Variants in MAP4K5 observed in about 807,000 individuals in gnomAD.
The protein encoded by MAP4K5 is mitogen-activated protein kinase kinase kinase kinase 5, also known as MAPK/ERK kinase kinase kinase 5.
Under a neutral mutation model 135.6 loss-of-function variants are expected in MAP4K5, and 82 were observed. The ratio of observed to expected loss-of-function variants is 0.60; its 90% CI spans 0.51 to 0.73. The LOEUF (loss-of-function observed/expected upper bound fraction) is 0.73. Ranked by LOEUF, MAP4K5 falls within the 30% of genes least tolerant of loss-of-function variation. The pLI, the probability that MAP4K5 is intolerant of heterozygous loss-of-function variation, is 0.00. For synonymous variants in MAP4K5, 347 were observed against 335.0 expected (o/e 1.04, Z -0.39); for missense variants, 907 against 1,010.9 (o/e 0.90, Z 1.39).
At chr14:50,491,826 C>G (rs2037490500) in intron 3 of MAP4K5, among the ~76,000 whole-genome samples, 1 of 151,952 alleles carries the variant, frequency 6.6e-6, no homozygotes, top group South Asian at 2.1e-4. Flanking sequence ...GCTGGGATTA[C>G]AGGCACATGT....
intron 2 of MAP4K5, among the ~76,000 whole-genome samples, chr14:50,529,200 T>C (rs904018346): frequency 4.6e-5 from 7 of 151,716 alleles, no homozygotes; most frequent in African/African-American, 1.7e-4. Context: ...CTGGGAAACA[T>C]GGCAAGACCT....
At chr14:50,462,011 A>T (rs115958493) in intron 13 of MAP4K5, among the ~76,000 whole-genome samples, 1 of 152,210 alleles carries the variant, frequency 6.6e-6, no homozygotes, top group Non-Finnish European at 1.5e-5. Flanking sequence ...TAATTATATA[A>T]GAAATAATAG....
intron 23 of MAP4K5, among the ~76,000 whole-genome samples, chr14:50,439,034 CAT>C (rs1256540375): frequency 6.6e-6 from 1 of 151,822 alleles, no homozygotes; most frequent in Non-Finnish European, 1.5e-5. Context: ...AAAATATTAA[CAT>C]ATTAATATTT....
rs1378463000 is a variant in MAP4K5 at position 50,553,520 on chromosome 14, A to G, written c.-180+7520T>C. The stretch of plus-strand genomic sequence containing the variant: ...TGCTGGTGGGAATGTAAACTAGTAC[A>G]ACCACTACGGAAAACAGTATGGATA... On this transcript the variant is annotated intron_variant, in intron 1 of 8. Transcript: ENST00000555216. 2.2e-4 allele frequency among the ~76,000 whole-genome samples: 34 copies of G among 152,164 alleles called. 1 individual carries two copies. The highest frequency in any genetic ancestry group is 2.2e-3 in the Admixed American group (34 of 15,286).
chr14:50,530,249 G>A (rs1158961470), intron 2 of MAP4K5, among the ~76,000 whole-genome samples: 1 of 152,128 alleles, frequency 6.6e-6, no homozygotes, highest in Non-Finnish European at 1.5e-5. Context: ...GGGCAGGAAG[G>A]CACCAGGGTA....
chr14:50,549,872 C>T (rs2038680132), intron 1 of MAP4K5, among the ~76,000 whole-genome samples: 1 of 152,196 alleles, frequency 6.6e-6, no homozygotes, highest in African/African-American at 2.4e-5. Flanking sequence ...AAAGAGTTAC[C>T]CACTAACACA....
intron 14 of MAP4K5, 80 bp from the exon 15 acceptor site, chr14:50,448,912 T>C (rs1250160965): frequency 3.0e-6 from 2 of 656,948 alleles, no homozygotes; most frequent in East Asian, 6.2e-5. Flanking sequence ...AGTTTGTATA[T>C]GGGGTGGGGG....
At chr14:50,452,730 G>A (rs2036518462) in intron 14 of MAP4K5, among the ~76,000 whole-genome samples, 1 of 152,054 alleles carries the variant, frequency 6.6e-6, no homozygotes, top group African/African-American at 2.4e-5. Flanking sequence ...CTCAAACATA[G>A]AGACATACGC....
chr14:50,440,458 A>G lies in MAP4K5; in HGVS notation c.1565-17T>C. ...TGTACTGATCTAAAATAGTTGAGAT[A>G]AATCACCAGAATTTACCATCATCTT... On this transcript the variant is annotated splice_polypyrimidine_tract_variant and intron_variant, in intron 21 of 32. Coordinates refer to ENST00000682126, the MANE Select transcript of MAP4K5 (RefSeq NM_006575.6). 1 of 1,303,214 alleles carries G rather than the reference A, an allele frequency of 7.7e-7. No individual in the cohort carries two copies. Among genetic ancestry groups the G allele is most frequent in the South Asian group, 1.4e-5 (1 of 72,000 alleles). The allele number at this position is 1,303,214 out of a possible 1,614,324, so 80.7% of individuals were successfully genotyped here. A position where few individuals can be genotyped will look rare whatever the true frequency, so the allele number is the denominator to read the frequency against.
chr14:50,495,723 G>C (rs2037577596), intron 3 of MAP4K5, among the ~76,000 whole-genome samples: 1 of 152,156 alleles, frequency 6.6e-6, no homozygotes, highest in Admixed American at 6.5e-5. Context: ...AAACCATGCA[G>C]ACTTAAAAAG....
chr14:50,523,051 C>A (rs1262332938), intron 2 of MAP4K5, among the ~76,000 whole-genome samples: 1 of 152,188 alleles, frequency 6.6e-6, no homozygotes, highest in East Asian at 1.9e-4. Flanking sequence ...GTGGCTCACA[C>A]CTGTAATCCC....
intron 9 of MAP4K5, among the ~76,000 whole-genome samples, chr14:50,473,816 T>C (rs2037029886): frequency 6.9e-6 from 1 of 145,726 alleles, no homozygotes; most frequent in South Asian, 2.2e-4. Context: ...CTCTGACTCC[T>C]GGGTTCACGC....
intron 3 of MAP4K5, among the ~76,000 whole-genome samples, chr14:50,487,536 C>A (rs2037391753): frequency 6.6e-6 from 1 of 152,112 alleles, no homozygotes; most frequent in South Asian, 2.1e-4. Context: ...AGATAATCTA[C>A]CTTTTATTTG....
In MAP4K5 at chr14:50,523,003, T is replaced by G. The variant is rs531552886; in HGVS notation, c.108+8939A>C. ...TAAGACTTGGTAACCTACAACCAAC[T>G]GCTGAACTTAATTAAAAATCACAAT... On this transcript the variant is annotated intron_variant, in intron 2 of 32. Coordinates refer to ENST00000682126, the MANE Select transcript of MAP4K5 (RefSeq NM_006575.6). 3.7e-4 allele frequency among the ~76,000 whole-genome samples: 57 copies of G among 152,274 alleles called. 1 individual carries two copies. Among genetic ancestry groups the G allele is most frequent in the Middle Eastern group, 3.4e-3 (1 of 294 alleles).
At chr14:50,447,737 G>A (rs2036388384) in intron 15 of MAP4K5, among the ~76,000 whole-genome samples, 1 of 152,178 alleles carries the variant, frequency 6.6e-6, no homozygotes, top group Admixed American at 6.5e-5. Context: ...TTATCAGTAT[G>A]TGAGCATATT....
chr14:50,517,394 C>T (rs2038055737), intron 2 of MAP4K5, among the ~76,000 whole-genome samples: 3 of 151,790 alleles, frequency 2.0e-5, no homozygotes, highest in Admixed American at 6.6e-5. Context: ...TCAGGTGATT[C>T]GCTCACCTCG....
intron 10 of MAP4K5, 67 bp from the exon 11 acceptor site, chr14:50,466,712 T>A: frequency 1.4e-6 from 1 of 738,958 alleles, no homozygotes; most frequent in Non-Finnish European, 2.4e-6. Flanking sequence ...GAAAGAATAT[T>A]CTGTAATGAA....
intron 8 of MAP4K5, 74 bp from the exon 9 acceptor site, chr14:50,475,223 C>A (rs536539145): frequency 1.9e-6 from 2 of 1,062,428 alleles, no homozygotes; most frequent in East Asian, 4.8e-5. Flanking sequence ...CGCCCTTAGG[C>A]ATGGCAGTAT....
chr14:50,488,312 C>T (rs1401345647), intron 3 of MAP4K5, among the ~76,000 whole-genome samples: 1 of 152,184 alleles, frequency 6.6e-6, no homozygotes, highest in East Asian at 1.9e-4. Flanking sequence ...AATCACCTCC[C>T]ACCAGGCCTC....
Sources: gnomAD v4.1 joint callset for allele counts (sites outside exome capture counted in the v4.1 genomes callset) on GRCh38, gnomAD v4.1.1 for gene constraint, MANE v1.5 for transcripts, NCBI Gene and HGNC (gene_info 2026-07-23, HGNC 2026-07-21) for gene names.